Variants in CCSER1 observed in about 807,000 individuals in gnomAD.
CCSER1 encodes the protein serine-rich coiled-coil domain-containing protein 1.
In CCSER1, 41 loss-of-function variants were observed where a neutral mutation model predicts 82.0. That is an observed-to-expected ratio of 0.50 (90% CI 0.39 to 0.65). The LOEUF (loss-of-function observed/expected upper bound fraction) is 0.65, where lower values mean the gene tolerates loss of function less well. Ranked by LOEUF, CCSER1 falls within the 30% of genes least tolerant of loss-of-function variation. CCSER1 has a pLI of 0.00. For missense variants in CCSER1, 1,119 were observed against 1,064.2 expected (o/e 1.05, Z -0.72); for synonymous variants, 414 against 383.9 (o/e 1.08, Z -0.92).
In CCSER1 at chr4:90,477,354, T is replaced by A. The variant is rs886304493; in HGVS notation, c.1724+9000T>A. The stretch of plus-strand genomic sequence containing the variant: ...TACTACTGTTATTGAAGTCAAGTAT[T>A]CTTATATATATAATAAAGACAATAG... On this transcript the variant is annotated intron_variant, in intron 5 of 10. Coordinates refer to ENST00000509176, the MANE Select transcript of CCSER1 (RefSeq NM_001145065.2). Among the ~76,000 whole-genome samples, 51 of 152,202 alleles carry A rather than the reference T, an allele frequency of 3.4e-4. 1 individual carries two copies. Among genetic ancestry groups the A allele is most frequent in the Non-Finnish European group, 1.5e-5 (1 of 68,032 alleles).
rs1759817476 is a variant in CCSER1 at position 91,511,429 on chromosome 4, A to C, written c.2218-87143A>C. On this transcript the variant is annotated intron_variant, in intron 10 of 10. Coordinates refer to ENST00000509176, the MANE Select transcript of CCSER1 (RefSeq NM_001145065.2). The stretch of plus-strand genomic sequence containing the variant: ...TGCTCTGGGTAGTATGGCCATTTTA[A>C]TGACAATGCTTCCAGGCCATAGTAA... Among the ~76,000 whole-genome samples the C allele has an allele frequency of 2.0e-5, 3 of 152,160 alleles. No individual in the cohort carries two copies. The South Asian group carries it at 6.2e-4, about 31-fold the overall frequency.
At chr4:90,684,627 T>C (rs1453539310) in intron 6 of CCSER1, among the ~76,000 whole-genome samples, 1 of 152,182 alleles carries the variant, frequency 6.6e-6, no homozygotes, top group African/African-American at 2.4e-5. Context: ...TTCATTAATA[T>C]AATTAGTTGT....
intron 10 of CCSER1, among the ~76,000 whole-genome samples, chr4:91,466,982 T>C (rs1243031211): frequency 6.6e-6 from 1 of 152,222 alleles, no homozygotes. Flanking sequence ...AATGACTTTC[T>C]TCACAGAATT....
intron 5 of CCSER1, among the ~76,000 whole-genome samples, chr4:90,529,975 G>C (rs1253700001): frequency 6.6e-6 from 1 of 150,484 alleles, no homozygotes; most frequent in African/African-American, 2.4e-5. Flanking sequence ...TAATGGTAGA[G>C]AATATCTGAT....
At chr4:91,103,382 T>C (rs940008534) in intron 10 of CCSER1, among the ~76,000 whole-genome samples, 8 of 152,082 alleles carry the variant, frequency 5.3e-5, no homozygotes, top group Non-Finnish European at 1.0e-4. Context: ...CTCACCTATA[T>C]GTCATCGGAA....
chr4:90,332,786 A>G (rs1739560230), intron 3 of CCSER1, among the ~76,000 whole-genome samples: 1 of 152,178 alleles, frequency 6.6e-6, no homozygotes, highest in African/African-American at 2.4e-5. Flanking sequence ...TCTAAGAAGA[A>G]GGATATTCTC....
intron 9 of CCSER1, among the ~76,000 whole-genome samples, chr4:91,067,016 T>G (rs1241022191): frequency 6.6e-6 from 1 of 151,996 alleles, no homozygotes; most frequent in Non-Finnish European, 1.5e-5. Context: ...ATACAAAAAA[T>G]TAGCCGGGCA....
intron 6 of CCSER1, among the ~76,000 whole-genome samples, chr4:90,633,148 A>G (rs1360372400): frequency 6.6e-6 from 1 of 152,034 alleles, no homozygotes; most frequent in Non-Finnish European, 1.5e-5. Context: ...CTCAACCTGG[A>G]AGGTATTTGC....
At chr4:91,137,551 G>A (rs1445971902) in intron 10 of CCSER1, among the ~76,000 whole-genome samples, 2 of 118,798 alleles carry the variant, frequency 1.7e-5, no homozygotes, top group Non-Finnish European at 3.6e-5. Context: ...TGGGTCAAAT[G>A]GTATTTCTAG....
intron 10 of CCSER1, among the ~76,000 whole-genome samples, chr4:91,216,740 A>T (rs1453835336): frequency 2.0e-5 from 3 of 152,110 alleles, no homozygotes; most frequent in Non-Finnish European, 4.4e-5. Context: ...AGTACTTTTT[A>T]TACTTCGTAA....
At chr4:90,859,444 A>G (rs1764818793) in intron 8 of CCSER1, among the ~76,000 whole-genome samples, 1 of 151,808 alleles carries the variant, frequency 6.6e-6, no homozygotes, top group Admixed American at 6.6e-5. Context: ...GCGAAGCTTT[A>G]TGATTCATAA....
At chr4:90,434,562 G>A (rs116603326) in intron 4 of CCSER1, among the ~76,000 whole-genome samples, 2,049 of 152,244 alleles carry the variant, frequency 0.013, 40 homozygotes, top group African/African-American at 0.046. Flanking sequence ...AGTTTGTTGA[G>A]CTGAGAAGGA....
chr4:90,906,053 TC>T (rs1279696206), intron 8 of CCSER1, among the ~76,000 whole-genome samples: 2 of 152,154 alleles, frequency 1.3e-5, no homozygotes, highest in African/African-American at 2.4e-5. Flanking sequence ...TTTGTTGGAA[TC>T]AATTAAGTCC....
intron 10 of CCSER1, among the ~76,000 whole-genome samples, chr4:91,354,403 T>C (rs1748683020): frequency 6.6e-6 from 1 of 152,186 alleles, no homozygotes; most frequent in African/African-American, 2.4e-5. Flanking sequence ...ATCAGGCAGA[T>C]TAGCATAAGC....
chr4:91,101,306 G>A (rs936232975), intron 10 of CCSER1, among the ~76,000 whole-genome samples: 2 of 152,192 alleles, frequency 1.3e-5, no homozygotes, highest in East Asian at 1.9e-4. Context: ...TACCTGGTAG[G>A]ATTATGCCAG....
chr4:90,501,467 G>A (rs759516074), intron 5 of CCSER1, among the ~76,000 whole-genome samples: 13 of 152,022 alleles, frequency 8.6e-5, no homozygotes, highest in Non-Finnish European at 1.2e-4. Context: ...ATTGCTTCTC[G>A]TTTGTCTCCA....
chr4:90,285,709 G>A (rs921957530), intron 1 of CCSER1, among the ~76,000 whole-genome samples: 1 of 151,872 alleles, frequency 6.6e-6, no homozygotes, highest in African/African-American at 2.4e-5. Flanking sequence ...ATACATCCTT[G>A]TCTTTTCTAT....
At chr4:90,705,837 G>T (rs532853134) in intron 6 of CCSER1, among the ~76,000 whole-genome samples, 4 of 152,320 alleles carry the variant, frequency 2.6e-5, no homozygotes, top group Non-Finnish European at 4.4e-5. Context: ...ACAGTATTAG[G>T]GTGGGAGTGA....
chr4:91,534,937 A>G (rs1281283144), intron 10 of CCSER1, among the ~76,000 whole-genome samples: 1 of 151,800 alleles, frequency 6.6e-6, no homozygotes, highest in African/African-American at 2.4e-5. Flanking sequence ...GATCAATACT[A>G]TTATCTTAAA....
Sources: allele counts gnomAD v4.1 joint callset (sites outside exome capture counted in the v4.1 genomes callset), GRCh38; gene constraint gnomAD v4.1.1; transcripts MANE v1.5; gene names NCBI Gene and HGNC (gene_info 2026-07-23, HGNC 2026-07-21).